Variants in VMP1 observed in about 807,000 individuals in gnomAD.
VMP1 encodes vacuole membrane protein 1.
Under a neutral mutation model 56.0 loss-of-function variants are expected in VMP1, and 11 were observed. The observed-to-expected ratio is 0.20, with a 90% CI of 0.12 to 0.32. The LOEUF (loss-of-function observed/expected upper bound fraction) is 0.32. Among genes scored for constraint, VMP1 ranks in the 10% least tolerant of loss-of-function variants. VMP1 has a pLI of 1.00. For missense variants in VMP1, 296 were observed against 490.3 expected, an observed-to-expected ratio of 0.60 and a Z score of 3.74; for synonymous variants, 149 against 165.0, an observed-to-expected ratio of 0.90 and a Z score of 0.74.
At chr17:59,823,981 G>A (rs191666364) in intron 10 of VMP1, among the ~76,000 whole-genome samples, 349 of 152,170 alleles carry the variant, frequency 2.3e-3, no homozygotes, top group Non-Finnish European at 4.2e-3. Context: ...AATGAATCCC[G>A]GGCCGGGCGC....
intron 10 of VMP1, among the ~76,000 whole-genome samples, chr17:59,837,409 C>T (rs1352527872): frequency 1.3e-5 from 2 of 152,146 alleles, no homozygotes; most frequent in African/African-American, 4.8e-5. Flanking sequence ...TTGCCCCAAG[C>T]TACCGTTTTT....
rs193052028 is a variant in VMP1, at chr17:59,791,812, G to A, written c.715-16984G>A. 9.1e-3 allele frequency among the ~76,000 whole-genome samples: 1,381 copies of A among 152,164 alleles called. 13 individuals are homozygous for A. Among genetic ancestry groups the A allele is most frequent in the Middle Eastern group, 0.031 (9 of 294 alleles). On this transcript the variant is annotated intron_variant, in intron 7 of 11. Transcript: ENST00000262291. ...TTTTCCCCAAACATTTTATCTTGCC[G>A]TTGTCTGTATTGAAGATGACCTGCC...
intron 1 of VMP1, among the ~76,000 whole-genome samples, chr17:59,711,387 C>T (rs904278816): frequency 6.7e-6 from 1 of 149,288 alleles, no homozygotes; most frequent in South Asian, 2.2e-4. Context: ...CCCAAGTGCC[C>T]TTGCTGTGTC....
chr17:59,768,566 G>T (rs917490968), intron 6 of VMP1, among the ~76,000 whole-genome samples: 31 of 152,060 alleles, frequency 2.0e-4, no homozygotes, highest in Non-Finnish European at 3.8e-4. Flanking sequence ...TCACACCATT[G>T]CACTCCAGCC....
intron 6 of VMP1, among the ~76,000 whole-genome samples, chr17:59,772,292 C>G (rs1189518348): frequency 1.3e-5 from 2 of 151,882 alleles, no homozygotes; most frequent in Admixed American, 6.6e-5. Context: ...TGCCTGGACT[C>G]TTTTTCAAAA....
chr17:59,839,998 T>A lies in VMP1; in HGVS notation c.*87T>A. On this transcript the variant is annotated 3_prime_UTR_variant, in exon 12 of 12. Transcript: ENST00000262291. ...CTCCAAGCCGGGAAGGAAAATTCCC[T>A]TTTCCAACCTGTATCAATTTTTACA... The A allele has an allele frequency of 6.5e-7, 1 of 1,526,790 alleles. No individual in the cohort carries two copies. The highest frequency in any genetic ancestry group is 8.8e-7 in the Non-Finnish European group (1 of 1,130,636). The allele number at this position is 1,526,790 out of a possible 1,614,324, so 94.6% of individuals were successfully genotyped here. A position where few individuals can be genotyped will look rare whatever the true frequency, so the allele number is the denominator to read the frequency against.
Position 59,707,710 on chromosome 17 carries a change from C to G in VMP1, c.-65C>G, listed in dbSNP as rs1245762061. On this transcript the variant is annotated 5_prime_UTR_variant, in exon 1 of 12. Coordinates refer to ENST00000262291, the MANE Select transcript of VMP1 (RefSeq NM_030938.5). ...TGTGAGAGTCCGTAAGGAGCAGCTTCCAGGATCCTGAGATCCGGAGCAGCC... is the reference window on the plus strand; with the variant it reads ...TGTGAGAGTCCGTAAGGAGCAGCTTGCAGGATCCTGAGATCCGGAGCAGCC... The G allele has an allele frequency of 1.3e-5, 2 of 152,310 alleles. No individual in the cohort carries two copies. Among genetic ancestry groups the G allele is most frequent in the African/African-American group, 4.8e-5 (2 of 41,436 alleles). 9.4% of individuals were successfully genotyped at this position (152,310 alleles called of 1,614,324 possible).
intron 7 of VMP1, among the ~76,000 whole-genome samples, chr17:59,807,440 G>A (rs1453535887): frequency 1.3e-5 from 2 of 151,538 alleles, no homozygotes; most frequent in Non-Finnish European, 2.9e-5. Context: ...CTTGTGATCC[G>A]CCTGCCTCAG....
At chr17:59,726,242 G>T (rs2034596026) in intron 1 of VMP1, among the ~76,000 whole-genome samples, 1 of 151,034 alleles carries the variant, frequency 6.6e-6, no homozygotes, top group South Asian at 2.1e-4. Flanking sequence ...TTTTTTAAAA[G>T]ATATTGCCTA....
At position 59,792,713 on chromosome 17, in the gene VMP1, C is replaced by T. The variant is rs543291725; in HGVS notation, c.715-16083C>T. Among the ~76,000 whole-genome samples, 35 of 150,674 alleles carry T rather than the reference C, an allele frequency of 2.3e-4. No homozygotes were observed. In the South Asian group the frequency reaches 5.9e-3, roughly 26 times the overall value. On this transcript the variant is annotated intron_variant, in intron 7 of 11. Transcript: ENST00000262291. The stretch of plus-strand genomic sequence containing the variant: ...TCTGTACTAAAAATACAAAATTAGC[C>T]GGGCACATGCCTGTAATCCCAGCTA...
Position 59,793,550 on chromosome 17 carries a change from A to C in VMP1, c.715-15246A>C, listed in dbSNP as rs996048441. 1.7e-5 allele frequency among the ~76,000 whole-genome samples: 2 copies of C among 116,432 alleles called. 1 individual carries two copies. Among genetic ancestry groups the C allele is most frequent in the Non-Finnish European group, 4.3e-5 (2 of 46,792 alleles). The allele number at this position is 116,432 out of a possible 152,430, so 76.4% of individuals were successfully genotyped here. A position where few individuals can be genotyped will look rare whatever the true frequency, so the allele number is the denominator to read the frequency against. The stretch of plus-strand genomic sequence containing the variant: ...TAGGAGTTAGGCAGGCACCCACCTG[A>C]GTTTGAGTGGATGCCAGCTGCCTAA... On this transcript the variant is annotated intron_variant, in intron 7 of 11. Coordinates refer to ENST00000262291, the MANE Select transcript of VMP1 (RefSeq NM_030938.5).
intron 10 of VMP1, among the ~76,000 whole-genome samples, chr17:59,834,553 G>A (rs1325376858): frequency 6.6e-6 from 1 of 151,640 alleles, no homozygotes; most frequent in African/African-American, 2.4e-5. Flanking sequence ...ACCATCTCCC[G>A]GGTTCAAGCG....
At position 59,794,134 on chromosome 17, in the gene VMP1, A is replaced by G. The variant is rs186154699; in HGVS notation, c.715-14662A>G. 1.5e-5 allele frequency among the ~76,000 whole-genome samples: 2 copies of G among 131,382 alleles called. 1 individual carries two copies. The highest frequency in any genetic ancestry group is 1.6e-4 in the Admixed American group (2 of 12,700). 86.2% of individuals were successfully genotyped at this position (131,382 alleles called of 152,430 possible). On this transcript the variant is annotated intron_variant, in intron 7 of 11. Transcript: ENST00000262291. ...ACAGGGTTTCACCGTGTTAGCCAGG[A>G]TGGTCTCAATCTCCTGACCTTGTGA... is the stretch of plus-strand genomic sequence containing the variant.
intron 5 of VMP1, among the ~76,000 whole-genome samples, chr17:59,754,063 A>T (rs1043299541): frequency 6.6e-6 from 1 of 152,192 alleles, no homozygotes; most frequent in African/African-American, 2.4e-5. Context: ...ATTGTGAGAT[A>T]CGTGCCCCTG....
chr17:59,717,446 T>A lies in VMP1; in HGVS notation c.-27+9698T>A, dbSNP rs1386998949. Among the ~76,000 whole-genome samples the A allele has an allele frequency of 1.2e-4, 19 of 152,008 alleles. No individual in the cohort carries two copies. The South Asian group carries it at 1.7e-3, about 13-fold the overall frequency. The stretch of plus-strand genomic sequence containing the variant: ...CACCCAGGCAGGAGTGCAGTGGCAC[T>A]GTCTAGGCCCACTGCAACCTCCACC... On this transcript the variant is annotated intron_variant, in intron 1 of 11. Transcript: ENST00000262291.
intron 6 of VMP1, among the ~76,000 whole-genome samples, chr17:59,766,964 TA>T (rs1302934704): frequency 2.6e-5 from 4 of 152,106 alleles, no homozygotes; most frequent in Non-Finnish European, 5.9e-5. Flanking sequence ...GTATTTTTAG[TA>T]GAGACGGGAT....
At chr17:59,789,829 C>CCCTTTT (rs2037156277) in intron 7 of VMP1, among the ~76,000 whole-genome samples, 1 of 119,808 alleles carries the variant, frequency 8.3e-6, no homozygotes, top group African/African-American at 3.1e-5. Context: ...TCCTTTCTTT[C>CCCTTTT]TTTCCCTTTT....
At chr17:59,760,914 C>T (rs936521904) in intron 5 of VMP1, among the ~76,000 whole-genome samples, 6 of 151,262 alleles carry the variant, frequency 4.0e-5, no homozygotes, top group East Asian at 1.9e-4. Context: ...CCACCATGCC[C>T]GGCCTATATG....
intron 10 of VMP1, among the ~76,000 whole-genome samples, chr17:59,823,936 A>C (rs1470668440): frequency 6.6e-6 from 1 of 152,222 alleles, no homozygotes; most frequent in East Asian, 1.9e-4. Flanking sequence ...AATTTAAAAT[A>C]AAATTATGAG....
Sources: allele counts gnomAD v4.1 joint callset (sites outside exome capture counted in the v4.1 genomes callset), GRCh38; gene constraint gnomAD v4.1.1; transcripts MANE v1.5; gene names NCBI Gene and HGNC (gene_info 2026-07-23, HGNC 2026-07-21).